Variants in ZNF804A observed in about 807,000 individuals in gnomAD.
ZNF804A encodes the protein zinc finger protein 804A.
Under a neutral mutation model 16.5 loss-of-function variants are expected in ZNF804A, and 2 were observed. That is an observed-to-expected ratio of 0.12 (90% CI 0.05 to 0.38). The LOEUF is 0.38. ZNF804A is among the 10% of genes least tolerant of loss of function. The pLI is 0.99. For synonymous variants in ZNF804A, 534 were observed against 489.6 expected, an observed-to-expected ratio of 1.09 and a Z score of -1.20; for missense variants, 1,473 against 1,390.7, an observed-to-expected ratio of 1.06 and a Z score of -0.94.
At chr2:184,735,591 T>G (rs1486296124) in intron 1 of ZNF804A, among the ~76,000 whole-genome samples, 1 of 152,140 alleles carries the variant, frequency 6.6e-6, no homozygotes, top group African/African-American at 2.4e-5. Context: ...AAAGAATAAC[T>G]TTAAAAATAA....
intron 1 of ZNF804A, among the ~76,000 whole-genome samples, chr2:184,738,124 CT>C (rs201468539): frequency 1.1e-4 from 13 of 115,938 alleles, no homozygotes; most frequent in African/African-American, 5.1e-4. Context: ...GGAACTTTGT[CT>C]AAAAAAAAAA....
intron 2 of ZNF804A, among the ~76,000 whole-genome samples, chr2:184,911,473 C>T (rs1206139184): frequency 6.6e-6 from 1 of 151,696 alleles, no homozygotes; most frequent in African/African-American, 2.4e-5. Context: ...GGTTCCTTAT[C>T]CATTTTAGAA....
intron 1 of ZNF804A, among the ~76,000 whole-genome samples, chr2:184,678,694 C>A (rs2105717421): frequency 6.6e-6 from 1 of 152,216 alleles, no homozygotes; most frequent in Non-Finnish European, 1.5e-5. Flanking sequence ...TATAGCCCAC[C>A]TCAAAAGCCA....
At chr2:184,857,943 A>C (rs1302885856) in intron 1 of ZNF804A, among the ~76,000 whole-genome samples, 1 of 152,082 alleles carries the variant, frequency 6.6e-6, no homozygotes, top group Non-Finnish European at 1.5e-5. Flanking sequence ...AAATTAATTA[A>C]TTTATATTCA....
chr2:184,628,226 A>G lies in ZNF804A; in HGVS notation c.111+29156A>G, dbSNP rs1691538608. 2.0e-5 allele frequency among the ~76,000 whole-genome samples: 3 copies of G among 152,140 alleles called. No individual in the cohort carries two copies. The South Asian group carries it at 6.2e-4, about 32-fold the overall frequency. ...CTACTTGGGAGTCTTGAGGCAGGAT[A>G]ATCGCTTGAACTGGGGAGGAGGAAG... On this transcript the variant is annotated intron_variant, in intron 1 of 3. Transcript: ENST00000302277.
intron 1 of ZNF804A, among the ~76,000 whole-genome samples, chr2:184,701,437 T>C (rs1177975004): frequency 2.0e-5 from 3 of 152,000 alleles, no homozygotes; most frequent in Non-Finnish European, 4.4e-5. Flanking sequence ...ATACCTTCTT[T>C]TCTTCAAAGT....
chr2:184,693,736 AC>A (rs1192412891), intron 1 of ZNF804A, among the ~76,000 whole-genome samples: 3 of 151,880 alleles, frequency 2.0e-5, no homozygotes, highest in Non-Finnish European at 4.4e-5. Context: ...AGCTGGTGTT[AC>A]CCTCTTGATA....
intron 2 of ZNF804A, among the ~76,000 whole-genome samples, chr2:184,890,079 C>G (rs765179577): frequency 2.2e-4 from 33 of 152,050 alleles, no homozygotes; most frequent in Non-Finnish European, 3.7e-4. Flanking sequence ...TTGGGATAAC[C>G]AAAGATAACA....
At chr2:184,604,146 CTTTTTTTTTTTTTTTTT>C (rs759053144) in intron 1 of ZNF804A, among the ~76,000 whole-genome samples, 456 of 44,778 alleles carry the variant, frequency 0.01, 9 homozygotes, top group African/African-American at 0.016. Context: ...ACTGCAATTA[CTTTTTTTTTTTTTTTTT>C]TTTTTTTTTT....
intron 1 of ZNF804A, among the ~76,000 whole-genome samples, chr2:184,694,409 A>G (rs1692786771): frequency 6.6e-6 from 1 of 152,194 alleles, no homozygotes. Context: ...TTACCATTAC[A>G]TAATGTATTT....
rs1477872065 is a variant in ZNF804A, at chr2:184,699,510, G to A, written c.111+100440G>A. The stretch of plus-strand genomic sequence containing the variant: ...AAATGCATACCTTCATTGTCAATGT[G>A]GACTTCAGGACTTGAGCCAGCTTTC... On this transcript the variant is annotated intron_variant, in intron 1 of 3. Transcript: ENST00000302277. 2.0e-5 allele frequency among the ~76,000 whole-genome samples: 3 copies of A among 152,134 alleles called. No homozygotes were observed. The East Asian group carries it at 5.8e-4, about 29-fold the overall frequency.
chr2:184,769,140 G>A (rs1252220135), intron 1 of ZNF804A, among the ~76,000 whole-genome samples: 2 of 152,002 alleles, frequency 1.3e-5, no homozygotes, highest in Non-Finnish European at 2.9e-5. Context: ...GCCACTTACT[G>A]CTCCTTCTGA....
intron 1 of ZNF804A, among the ~76,000 whole-genome samples, chr2:184,690,938 G>A (rs533294878): frequency 1.5e-4 from 23 of 151,962 alleles, no homozygotes; most frequent in Admixed American, 9.2e-4. Flanking sequence ...AAAAAATACT[G>A]CCTATATCTG....
chr2:184,733,633 T>C (rs1450600481), intron 1 of ZNF804A, among the ~76,000 whole-genome samples: 1 of 152,192 alleles, frequency 6.6e-6, no homozygotes, highest in African/African-American at 2.4e-5. Flanking sequence ...AATACTTTAG[T>C]AAACCCATCT....
intron 1 of ZNF804A, among the ~76,000 whole-genome samples, chr2:184,762,299 G>A (rs1694050763): frequency 6.7e-6 from 1 of 150,352 alleles, no homozygotes; most frequent in African/African-American, 2.4e-5. Context: ...TTTCATTTCA[G>A]GGAATACAGT....
intron 1 of ZNF804A, among the ~76,000 whole-genome samples, chr2:184,679,647 C>T (rs1023840433): frequency 6.6e-6 from 1 of 152,210 alleles, no homozygotes; most frequent in African/African-American, 2.4e-5. Flanking sequence ...AGCCTGGGCA[C>T]TGTTGCAGCC....
At position 184,653,172 on chromosome 2, in the gene ZNF804A, T is replaced by C. The variant is rs540686725; in HGVS notation, c.111+54102T>C. Among the ~76,000 whole-genome samples, 148 of 152,332 alleles carry C rather than the reference T, an allele frequency of 9.7e-4. 4 individuals are homozygous for C. The highest frequency in any genetic ancestry group is 9.6e-3 in the Admixed American group (147 of 15,290). On this transcript the variant is annotated intron_variant, in intron 1 of 3. Coordinates refer to ENST00000302277, the MANE Select transcript of ZNF804A (RefSeq NM_194250.2). ...TCCTCATTAAGGTATGAATCAATAC[T>C]ATTGCAATTGAAATCATGTTGCATG...
chr2:184,621,603 A>T (rs1261389396), intron 1 of ZNF804A, among the ~76,000 whole-genome samples: 1 of 151,700 alleles, frequency 6.6e-6, no homozygotes, highest in Non-Finnish European at 1.5e-5. Context: ...CTCTACTAGG[A>T]GTATTAATAC....
At chr2:184,824,395 C>T (rs1202440649) in intron 1 of ZNF804A, among the ~76,000 whole-genome samples, 1 of 151,838 alleles carries the variant, frequency 6.6e-6, no homozygotes, top group Admixed American at 6.6e-5. Flanking sequence ...GTCAAGCTGA[C>T]CTTAAAGCTA....
Sources: allele counts gnomAD v4.1 joint callset (sites outside exome capture counted in the v4.1 genomes callset), GRCh38; gene constraint gnomAD v4.1.1; transcripts MANE v1.5; gene names NCBI Gene and HGNC (gene_info 2026-07-23, HGNC 2026-07-21).